Variants in ANGPT4 observed in about 807,000 individuals in gnomAD.
ANGPT4 encodes the protein angiopoietin-4.
ANGPT4 carries 50 observed loss-of-function variants against 53.0 expected under a neutral mutation model. The observed-to-expected ratio is 0.94, with a 90% CI of 0.75 to 1.20. The LOEUF (loss-of-function observed/expected upper bound fraction) is 1.20, where lower values mean the gene tolerates loss of function less well. Among genes scored for constraint, ANGPT4 ranks in the 50% most tolerant of loss-of-function variants. The pLI, the probability that ANGPT4 is intolerant of heterozygous loss-of-function variation, is 0.00. For missense variants in ANGPT4, 648 were observed against 637.1 expected, an observed-to-expected ratio of 1.02 and a Z score of -0.18; for synonymous variants, 251 against 259.7, an observed-to-expected ratio of 0.97 and a Z score of 0.32.
intron 2 of ANGPT4, among the ~76,000 whole-genome samples, chr20:889,392 A>G (rs535537602): frequency 6.6e-6 from 1 of 152,346 alleles, no homozygotes; most frequent in East Asian, 1.9e-4. Flanking sequence ...CCTAGGCTAT[A>G]TGAGACAGCC....
chr20:907,800 A>G (rs1353458072), intron 1 of ANGPT4, among the ~76,000 whole-genome samples: 1 of 152,116 alleles, frequency 6.6e-6, no homozygotes, highest in Non-Finnish European at 1.5e-5. Flanking sequence ...CTTTGGGAAA[A>G]TAGGGCAAAG....
intron 8 of ANGPT4, among the ~76,000 whole-genome samples, chr20:873,924 G>A (rs1370952793): frequency 6.6e-6 from 1 of 152,164 alleles, no homozygotes; most frequent in Admixed American, 6.5e-5. Context: ...CTGGTGTGGA[G>A]CTGCCCCTCT....
rs73602182 is a variant in ANGPT4 at position 878,114 on chromosome 20, C to G, written c.1220+47G>C. 6 of 1,550,724 alleles carry G rather than the reference C, an allele frequency of 3.9e-6. No homozygotes were observed. The East Asian group carries it at 1.4e-4, about 35-fold the overall frequency. On this transcript the variant is annotated intron_variant, in intron 7 of 8. Coordinates refer to ENST00000381922, the MANE Select transcript of ANGPT4 (RefSeq NM_015985.4). ...TAGCCTGGGGACCCCAGCCCGCCCA[C>G]TAGCTGAAGACCCCAGCCCCCACAA...
chr20:891,718 C>T (rs1009274054), intron 1 of ANGPT4, among the ~76,000 whole-genome samples: 2 of 152,226 alleles, frequency 1.3e-5, no homozygotes, highest in South Asian at 2.1e-4. Flanking sequence ...TTCATCTCTT[C>T]TCCCTTCTTC....
chr20:883,176 T>C (rs556039657), intron 4 of ANGPT4, among the ~76,000 whole-genome samples: 2 of 152,356 alleles, frequency 1.3e-5, no homozygotes, highest in East Asian at 3.9e-4. Flanking sequence ...TGCTAATTAA[T>C]AAGTGAAGGA....
At position 881,231 on chromosome 20, in the gene ANGPT4, A is replaced by G. The variant is rs1323936383; in HGVS notation, c.891T>C (p.Ser297=). ...VFQDCAEIQR[S]GASASGVYTI... is the part of the protein sequence containing the mutation. The stretch of plus-strand genomic sequence containing the variant: ...TGTAGACACCACTGGCACTGGCCCC[A>G]GAGCGCTGGATCTCTGCACAGTCCT... Residue 297 remains serine, a synonymous_variant, in exon 5 of 9, where the codon TCT becomes TCC. Transcript: ENST00000381922. The G allele has an allele frequency of 6.2e-7, 1 of 1,613,718 alleles. No individual in the cohort carries two copies. The highest frequency in any genetic ancestry group is 1.1e-5 in the South Asian group (1 of 91,012).
intron 3 of ANGPT4, among the ~76,000 whole-genome samples, chr20:886,369 A>G (rs1328692932): frequency 1.3e-5 from 2 of 152,226 alleles, no homozygotes; most frequent in East Asian, 3.8e-4. Context: ...GGTGGAGAAA[A>G]AAATGAGCAA....
rs1022792850 is a variant in ANGPT4 at position 914,411 on chromosome 20, G to A, written c.309+1495C>T. On this transcript the variant is annotated intron_variant, in intron 1 of 8. Coordinates refer to ENST00000381922, the MANE Select transcript of ANGPT4 (RefSeq NM_015985.4). The surrounding 1 kb of genome is among the most constrained non-coding windows in gnomAD (Gnocchi z 5.0). Reference sequence around the variant, plus strand: ...AAGCAAAGTGGGAGTCTGGGAGAGGGAACTCCAGGGAGTAAGGGTTCTTGC... The same window carrying A: ...AAGCAAAGTGGGAGTCTGGGAGAGGAAACTCCAGGGAGTAAGGGTTCTTGC... Among the ~76,000 whole-genome samples, 2 of 152,102 alleles carry A rather than the reference G, an allele frequency of 1.3e-5. No individual in the cohort carries two copies. The highest frequency in any genetic ancestry group is 2.9e-5 in the Non-Finnish European group (2 of 68,010).
intron 3 of ANGPT4, 63 bp from the exon 4 acceptor site, chr20:885,388 G>C: frequency 6.9e-7 from 1 of 1,450,692 alleles, no homozygotes; most frequent in Non-Finnish European, 9.0e-7. Flanking sequence ...ACCCCCGCGC[G>C]CCTCCCCGGC....
At chr20:902,855 T>C (rs1482407919) in intron 1 of ANGPT4, among the ~76,000 whole-genome samples, 1 of 152,176 alleles carries the variant, frequency 6.6e-6, no homozygotes, top group Non-Finnish European at 1.5e-5. Context: ...GCAAGGACTT[T>C]GCCTGCCTTC....
chr20:882,088 C>T (rs1478061237), intron 4 of ANGPT4, among the ~76,000 whole-genome samples: 1 of 152,142 alleles, frequency 6.6e-6, no homozygotes, highest in African/African-American at 2.4e-5. Flanking sequence ...TCCCTGCTGC[C>T]CTGGGCATAT....
chr20:888,294 T>A (rs1251543159), intron 3 of ANGPT4, 24 bp downstream of exon 3: 1 of 1,608,104 alleles, frequency 6.2e-7, no homozygotes, highest in Non-Finnish European at 8.5e-7. Flanking sequence ...CCTGTCCTAG[T>A]CTGGTGCCAG....
chr20:885,460 T>A, intron 3 of ANGPT4, 135 bp from the exon 4 acceptor site: 58 of 1,291,258 alleles, frequency 4.5e-5, no homozygotes, highest in Non-Finnish European at 5.7e-5. Context: ...GTGCCCACTG[T>A]AGGCACAGAT....
At chr20:898,777 GAC>G (rs773851662) in intron 1 of ANGPT4, among the ~76,000 whole-genome samples, 77 of 152,324 alleles carry the variant, frequency 5.1e-4, no homozygotes, top group Non-Finnish European at 9.6e-4. Flanking sequence ...AGCCGCAGCA[GAC>G]AGTTGTTCCT....
intron 1 of ANGPT4, among the ~76,000 whole-genome samples, chr20:910,491 C>A (rs1459076059): frequency 2.0e-5 from 3 of 152,150 alleles, no homozygotes; most frequent in Admixed American, 6.5e-5. Context: ...CTTGGTCCTC[C>A]CCAGACCCCA....
Position 881,281 on chromosome 20 carries a change from T to C in ANGPT4, c.841A>G (p.Ile281Val), listed in dbSNP as rs772442947. 1.8e-5 allele frequency: 29 copies of C among 1,614,152 alleles called. No homozygotes were observed. Among genetic ancestry groups the C allele is most frequent in the Non-Finnish European group, 2.5e-5 (29 of 1,179,992 alleles). ...ERANASAPAF[I>V]MAGEQVFQDC... The stretch of plus-strand genomic sequence containing the variant: ...TGGAACACCTGCTCACCTGCCATTA[T>C]GAAGGCTGCAAAGGGACAACACAAA... Residue 281 changes from isoleucine (I) to valine (V), a missense_variant, in exon 5 of 9, where the codon ATA (isoleucine) becomes GTA (valine). Coordinates refer to ENST00000381922, the MANE Select transcript of ANGPT4 (RefSeq NM_015985.4).
chr20:905,888 T>C (rs1288270987), intron 1 of ANGPT4, among the ~76,000 whole-genome samples: 2 of 152,198 alleles, frequency 1.3e-5, no homozygotes, highest in Admixed American at 6.5e-5. Context: ...TAGTCCTTGG[T>C]GCTCCCATTG....
In ANGPT4 at chr20:908,498, T is replaced by A. The variant is rs867539617; in HGVS notation, c.309+7408A>T. ...CTCCCTCAAGGTCAGGCACCCATTA[T>A]CCACCCCTAGCATCTCTCGGTCCCT... On this transcript the variant is annotated intron_variant, in intron 1 of 8. Transcript: ENST00000381922. This position sits in a 1 kb window ranked among gnomAD's most constrained non-coding sequence, Gnocchi z 4.9. Among the ~76,000 whole-genome samples the A allele has an allele frequency of 9.2e-5, 14 of 152,128 alleles. No individual in the cohort carries two copies. Among genetic ancestry groups the A allele is most frequent in the African/African-American group, 3.4e-4 (14 of 41,420 alleles).
At chr20:876,704 G>A (rs1781861634) in intron 7 of ANGPT4, among the ~76,000 whole-genome samples, 2 of 152,188 alleles carry the variant, frequency 1.3e-5, no homozygotes, top group Admixed American at 1.3e-4. Context: ...TTGCTTTAGT[G>A]GCCAGTGGCT....
Sources: gnomAD v4.1 joint callset for allele counts (sites outside exome capture counted in the v4.1 genomes callset) on GRCh38, gnomAD v4.1.1 for gene constraint, Gnocchi (gnomAD v3.1) non-coding constraint, MANE v1.5 for transcripts, NCBI Gene and HGNC (gene_info 2026-07-23, HGNC 2026-07-21) for gene names.